Variants in BCAT1 observed in about 807,000 individuals in gnomAD.
The protein encoded by BCAT1 is branched chain amino acid transaminase 1.
Under a neutral mutation model 52.4 loss-of-function variants are expected in BCAT1, and 48 were observed. The ratio of observed to expected loss-of-function variants is 0.92; its 90% CI spans 0.73 to 1.16. The LOEUF is 1.16. BCAT1 is among the 50% of genes most tolerant of loss of function. The pLI is 0.00. For missense variants in BCAT1, 451 were observed against 457.1 expected (o/e 0.99, Z 0.12); for synonymous variants, 167 against 161.3 (o/e 1.04, Z -0.27).
At chr12:24,876,643 A>G (rs1942353337) in intron 5 of BCAT1, among the ~76,000 whole-genome samples, 1 of 152,164 alleles carries the variant, frequency 6.6e-6, no homozygotes, top group Admixed American at 6.5e-5. Context: ...TGAGATCAGT[A>G]ACAATGTTTC....
chr12:24,824,231 T>TTTCCTTCCTTCCTTCCTTCC (rs560798912), intron 10 of BCAT1, among the ~76,000 whole-genome samples: 12 of 21,072 alleles, frequency 5.7e-4, no homozygotes, highest in African/African-American at 8.2e-4. Flanking sequence ...TGAGTTTACA[T>TTTCCTTCCTTCCTTCCTTCC]TTCCTTCCTT....
chr12:24,946,639 G>A (rs1394234406), intron 1 of BCAT1, among the ~76,000 whole-genome samples: 1 of 152,208 alleles, frequency 6.6e-6, no homozygotes, highest in Non-Finnish European at 1.5e-5. Context: ...ACGGGGGGAC[G>A]TGACTGAAGT....
intron 1 of BCAT1, among the ~76,000 whole-genome samples, chr12:24,938,233 G>A (rs1943795567): frequency 6.6e-6 from 1 of 152,158 alleles, no homozygotes; most frequent in African/African-American, 2.4e-5. Flanking sequence ...GTACTGGGCA[G>A]GGTGAAGGGC....
At chr12:24,894,750 T>C (rs567940595) in intron 2 of BCAT1, among the ~76,000 whole-genome samples, 6 of 152,256 alleles carry the variant, frequency 3.9e-5, no homozygotes, top group African/African-American at 1.4e-4. Flanking sequence ...GGTAAGATGA[T>C]GCAAAAAAAG....
At chr12:24,845,933 A>G (rs146292681) in intron 6 of BCAT1, among the ~76,000 whole-genome samples, 43 of 152,320 alleles carry the variant, frequency 2.8e-4, no homozygotes, top group African/African-American at 1.0e-3. Flanking sequence ...ATTTTTTCTC[A>G]TTCGTAGACA....
intron 1 of BCAT1, among the ~76,000 whole-genome samples, chr12:24,942,543 CAAAA>C (rs60144964): frequency 2.2e-5 from 2 of 90,874 alleles, no homozygotes. Context: ...GACTCCGCCT[CAAAA>C]AAAAAAAAAA....
intron 1 of BCAT1, among the ~76,000 whole-genome samples, chr12:24,931,825 C>T (rs377706438): frequency 1.1e-4 from 16 of 152,116 alleles, no homozygotes; most frequent in African/African-American, 2.7e-4. Context: ...AAAAGGAGAA[C>T]GCCACACGAT....
At chr12:24,871,909 T>C (rs1442786618) in intron 5 of BCAT1, among the ~76,000 whole-genome samples, 1 of 152,208 alleles carries the variant, frequency 6.6e-6, no homozygotes, top group Non-Finnish European at 1.5e-5. Context: ...ATAAAATATA[T>C]TGAGTTATGC....
At chr12:24,846,512 G>C (rs1385454088) in intron 6 of BCAT1, among the ~76,000 whole-genome samples, 7 of 152,166 alleles carry the variant, frequency 4.6e-5, no homozygotes, top group Non-Finnish European at 1.0e-4. Context: ...TGGGAGAATA[G>C]ACATATTAAA....
chr12:24,863,045 C>G (rs918111876), intron 5 of BCAT1, among the ~76,000 whole-genome samples: 2 of 152,032 alleles, frequency 1.3e-5, no homozygotes, highest in African/African-American at 4.8e-5. Flanking sequence ...ATTTGCCAGC[C>G]CTGTTCAAAG....
intron 2 of BCAT1, among the ~76,000 whole-genome samples, chr12:24,898,980 T>C (rs148613968): frequency 6.6e-6 from 1 of 152,248 alleles, no homozygotes; most frequent in Non-Finnish European, 1.5e-5. Flanking sequence ...TTAGGCACTA[T>C]GTTCATCTTT....
chr12:24,819,034 A>G (rs1490986511), intron 10 of BCAT1, among the ~76,000 whole-genome samples: 1 of 152,134 alleles, frequency 6.6e-6, no homozygotes, highest in Non-Finnish European at 1.5e-5. Context: ...TTATCAATCC[A>G]TTTTATGAAT....
intron 7 of BCAT1, among the ~76,000 whole-genome samples, chr12:24,839,620 T>C (rs965986285): frequency 1.3e-5 from 2 of 152,172 alleles, no homozygotes; most frequent in Admixed American, 1.3e-4. Flanking sequence ...GTGCCACACA[T>C]AGTGACTGTG....
chr12:24,816,345 G>A lies in BCAT1; in HGVS notation c.*1663C>T, dbSNP rs1467372475. The A allele has an allele frequency of 7.6e-6, 3 of 395,118 alleles. No homozygotes were observed. The highest frequency in any genetic ancestry group is 1.3e-5 in the Non-Finnish European group (3 of 224,352). 24.5% of individuals were successfully genotyped at this position (395,118 alleles called of 1,614,324 possible). A position where few individuals can be genotyped will look rare whatever the true frequency, so the allele number is the denominator to read the frequency against. ...GCAAGAAGGAAGTTATGAGGACTGA[G>A]GGAAACCAAAATACAATGTCTGAGA... On this transcript the variant is annotated 3_prime_UTR_variant, in exon 11 of 11. Coordinates refer to ENST00000261192, the MANE Select transcript of BCAT1 (RefSeq NM_005504.7).
chr12:24,943,722 C>T (rs764666909), intron 1 of BCAT1, among the ~76,000 whole-genome samples: 80 of 152,048 alleles, frequency 5.3e-4, no homozygotes, highest in Non-Finnish European at 8.4e-4. Context: ...CGGTGGCTCA[C>T]GCCTGTAATC....
At chr12:24,919,743 C>G (rs1324649398) in intron 1 of BCAT1, among the ~76,000 whole-genome samples, 1 of 152,206 alleles carries the variant, frequency 6.6e-6, no homozygotes, top group Non-Finnish European at 1.5e-5. Flanking sequence ...TGTCTCCACA[C>G]AAATCTCATC....
chr12:24,816,687 G>A lies in BCAT1; in HGVS notation c.*1321C>T. 2 of 396,588 alleles carry A rather than the reference G, an allele frequency of 5.0e-6. No individual in the cohort carries two copies. The highest frequency in any genetic ancestry group is 7.1e-5 in the East Asian group (2 of 28,014). 24.6% of individuals were successfully genotyped at this position (396,588 alleles called of 1,614,324 possible). A position where few individuals can be genotyped will look rare whatever the true frequency, so the allele number is the denominator to read the frequency against. On this transcript the variant is annotated 3_prime_UTR_variant, in exon 11 of 11. Transcript: ENST00000261192. ...GGTATGATATCATGACCTCTCTCTA[G>A]AGCAGTGGTCCCCAACATTTTTGGC...
chr12:24,925,580 C>G (rs1220181643), intron 1 of BCAT1, among the ~76,000 whole-genome samples: 1 of 151,156 alleles, frequency 6.6e-6, no homozygotes, highest in Non-Finnish European at 1.5e-5. Context: ...CCCCCTCCCC[C>G]TCTCCCTCTC....
At chr12:24,855,772 A>AT (rs914235327) in intron 5 of BCAT1, among the ~76,000 whole-genome samples, 1 of 151,156 alleles carries the variant, frequency 6.6e-6, no homozygotes, top group East Asian at 1.9e-4. Context: ...TTCCATCTTT[A>AT]TTTTTTTTCT....
Sources: allele counts gnomAD v4.1 joint callset (sites outside exome capture counted in the v4.1 genomes callset), GRCh38; gene constraint gnomAD v4.1.1; transcripts MANE v1.5; gene names NCBI Gene and HGNC (gene_info 2026-07-23, HGNC 2026-07-21).